DNAH9: variants seen among roughly 807,000 people sequenced by gnomAD.
The protein encoded by DNAH9 is dynein axonemal heavy chain 9.
Under a neutral mutation model 471.6 loss-of-function variants are expected in DNAH9, and 345 were observed. The observed-to-expected ratio is 0.73, with a 90% CI of 0.67 to 0.80. The LOEUF is 0.80. Among genes scored for constraint, DNAH9 ranks in the 30% least tolerant of loss-of-function variants. The pLI is 0.00. For synonymous variants in DNAH9, 2,093 were observed against 2,123.6 expected (o/e 0.99, Z 0.40); for missense variants, 5,407 against 5,609.2 (o/e 0.96, Z 1.15).
At chr17:11,719,641 A>G (rs1231003610) in intron 27 of DNAH9, 151 bp downstream of exon 27, 2 of 695,240 alleles carry the variant, frequency 2.9e-6, no homozygotes, top group South Asian at 2.2e-5. Flanking sequence ...CCTTCGTGGT[A>G]AAGTTGGACG....
rs377419815 is a variant in DNAH9, at chr17:11,667,735, C to T, written c.2732-1329C>T. Among the ~76,000 whole-genome samples, 8 of 152,182 alleles carry T rather than the reference C, an allele frequency of 5.3e-5. 1 individual carries two copies. The South Asian group carries it at 1.0e-3, about 20-fold the overall frequency. ...ACTGACTCACTGCCATGTCCAGGCT[C>T]TAGTCTGGTAGAGGAGAAGGAGACT... On this transcript the variant is annotated intron_variant, in intron 15 of 68. Transcript: ENST00000262442.
chr17:11,809,424 G>A (rs1473993916), intron 44 of DNAH9, among the ~76,000 whole-genome samples: 6 of 151,860 alleles, frequency 4.0e-5, no homozygotes, highest in Non-Finnish European at 8.8e-5. Context: ...AAAATTAGCC[G>A]GGCGTTGTGG....
intron 61 of DNAH9, among the ~76,000 whole-genome samples, chr17:11,922,435 T>G (rs1027726554): frequency 6.6e-6 from 1 of 152,226 alleles, no homozygotes; most frequent in Admixed American, 6.5e-5. Flanking sequence ...AAGAATATTA[T>G]GTAATTTCTC....
At chr17:11,684,505 G>A (rs2074201111) in intron 19 of DNAH9, among the ~76,000 whole-genome samples, 1 of 152,142 alleles carries the variant, frequency 6.6e-6, no homozygotes, top group Admixed American at 6.5e-5. Flanking sequence ...TGAAAGGAAT[G>A]CCCCCATGCT....
chr17:11,780,919 C>T, intron 38 of DNAH9, 90 bp from the exon 39 acceptor site: 2 of 1,374,958 alleles, frequency 1.5e-6, no homozygotes, highest in Non-Finnish European at 2.0e-6. Flanking sequence ...ATGAAGGCAG[C>T]ACCATTGCTT....
At chr17:11,843,103 A>G (rs1231182429) in intron 49 of DNAH9, among the ~76,000 whole-genome samples, 2 of 152,232 alleles carry the variant, frequency 1.3e-5, no homozygotes, top group African/African-American at 4.8e-5. Context: ...AGAATCCAAG[A>G]GGCACTGTCA....
At chr17:11,718,359 T>A (rs1384452910) in intron 26 of DNAH9, among the ~76,000 whole-genome samples, 1 of 152,250 alleles carries the variant, frequency 6.6e-6, no homozygotes, top group Non-Finnish European at 1.5e-5. Context: ...GTTTCTAGCT[T>A]TTTGCTGTTA....
intron 13 of DNAH9, 83 bp downstream of exon 13, chr17:11,651,407 T>C (rs766384486): frequency 2.3e-4 from 314 of 1,388,246 alleles, no homozygotes; most frequent in Non-Finnish European, 3.0e-4. Context: ...AATTATTCCC[T>C]GGTAATCTTA....
At position 11,689,447 on chromosome 17, in the gene DNAH9, C is replaced by T; in HGVS notation, c.3744-119C>T. 6.1e-6 allele frequency: 5 copies of T among 817,416 alleles called. No homozygotes were observed. In the South Asian group the frequency reaches 8.8e-5, roughly 14 times the overall value. 50.6% of individuals were successfully genotyped at this position (817,416 alleles called of 1,614,324 possible). A position where few individuals can be genotyped will look rare whatever the true frequency, so the allele number is the denominator to read the frequency against. On this transcript the variant is annotated intron_variant, in intron 19 of 68. Coordinates refer to ENST00000262442, the MANE Select transcript of DNAH9 (RefSeq NM_001372.4). ...GTGAAAAGAATGTTTTTGGTGAAAG[C>T]CACTGCTCTTTCCTAAAACACCAAG...
chr17:11,752,424 G>A (rs1187155553), intron 32 of DNAH9, among the ~76,000 whole-genome samples: 1 of 152,148 alleles, frequency 6.6e-6, no homozygotes, highest in Non-Finnish European at 1.5e-5. Flanking sequence ...ATGCACCTTG[G>A]GCACTGCCAG....
intron 11 of DNAH9, among the ~76,000 whole-genome samples, chr17:11,646,407 T>G (rs1228720812): frequency 1.3e-5 from 2 of 152,132 alleles, no homozygotes; most frequent in African/African-American, 2.4e-5. Flanking sequence ...ATCATTTGTA[T>G]CCCCGAAGTC....
Position 11,942,348 on chromosome 17 carries a change from T to C in DNAH9, c.12706T>C (p.Phe4236Leu). The change falls in exon 67 of 69, where the codon TTT (phenylalanine) becomes CTT (leucine). Residue 4236 changes from phenylalanine (F) to leucine (L), a missense_variant. Transcript: ENST00000262442. ...AATATTGGAGCGGGTGACAGACGAG[T>C]TTAACATCCCAGAACTGATGGCCAA... ...EEILERVTDE[F>L]NIPELMAKVE... 6.2e-7 allele frequency: 1 copy of C among 1,614,036 alleles called. No homozygotes were observed. Among genetic ancestry groups the C allele is most frequent in the South Asian group, 1.1e-5 (1 of 91,078 alleles).
rs770463014 is a variant in DNAH9 at position 11,756,684 on chromosome 17, C to T, written c.6847+8C>T. On this transcript the variant is annotated splice_region_variant and intron_variant, in intron 34 of 68. Coordinates refer to ENST00000262442, the MANE Select transcript of DNAH9 (RefSeq NM_001372.4). Reference sequence around the variant, plus strand: ...CAACTGTCTCTAGAGCAGGTACGGCCCAAGAAGGGAAGAACCACAAAGCTA... The same window carrying T: ...CAACTGTCTCTAGAGCAGGTACGGCTCAAGAAGGGAAGAACCACAAAGCTA... 3.2e-6 allele frequency: 5 copies of T among 1,566,958 alleles called. No homozygotes were observed. The African/African-American group carries it at 6.8e-5, about 21-fold the overall frequency.
chr17:11,696,042 G>A (rs370097740), intron 22 of DNAH9, among the ~76,000 whole-genome samples: 50 of 152,314 alleles, frequency 3.3e-4, no homozygotes, highest in African/African-American at 1.1e-3. Context: ...ACTCAGAGAT[G>A]TATCCTTGCC....
intron 67 of DNAH9, among the ~76,000 whole-genome samples, chr17:11,959,010 G>C (rs911410009): frequency 6.6e-6 from 1 of 151,990 alleles, no homozygotes; most frequent in Admixed American, 6.5e-5. Flanking sequence ...CCATATTAAT[G>C]TGCTACATTT....
At chr17:11,923,162 G>A (rs778886795) in intron 61 of DNAH9, among the ~76,000 whole-genome samples, 3 of 151,898 alleles carry the variant, frequency 2.0e-5, no homozygotes, top group Non-Finnish European at 2.9e-5. Flanking sequence ...TGCAACCTCC[G>A]CCTCCTGGGT....
intron 45 of DNAH9, among the ~76,000 whole-genome samples, chr17:11,811,232 G>A (rs1261804591): frequency 6.6e-6 from 1 of 152,018 alleles, no homozygotes; most frequent in Non-Finnish European, 1.5e-5. Flanking sequence ...AGAATCGCTT[G>A]AACCTGGAAG....
intron 27 of DNAH9, among the ~76,000 whole-genome samples, chr17:11,721,256 G>GT (rs982170358): frequency 1.3e-4 from 19 of 151,472 alleles, no homozygotes; most frequent in East Asian, 3.9e-4. Flanking sequence ...GTCTATCTTT[G>GT]TTTTTTTTGT....
intron 28 of DNAH9, among the ~76,000 whole-genome samples, chr17:11,737,826 G>A (rs2075371035): frequency 6.6e-6 from 1 of 152,162 alleles, no homozygotes; most frequent in Non-Finnish European, 1.5e-5. Context: ...TCTGTAAAGG[G>A]TCACCTGTTC....
Sources: allele counts gnomAD v4.1 joint callset (sites outside exome capture counted in the v4.1 genomes callset), GRCh38; gene constraint gnomAD v4.1.1; transcripts MANE v1.5; gene names NCBI Gene and HGNC (gene_info 2026-07-23, HGNC 2026-07-21).